The following PCDHGA9 variants were observed in gnomAD, a reference collection of about 807,000 sequenced individuals.
PCDHGA9 encodes the protein protocadherin gamma-A9.
Under a neutral mutation model 62.5 loss-of-function variants are expected in PCDHGA9, and 37 were observed. The observed-to-expected ratio is 0.59, with a 90% CI of 0.46 to 0.78. The LOEUF (loss-of-function observed/expected upper bound fraction) is 0.78, where lower values mean the gene tolerates loss of function less well. Among genes scored for constraint, PCDHGA9 ranks in the 30% least tolerant of loss-of-function variants. The probability of loss-of-function intolerance (pLI) is 0.00; values close to 1 mark genes in which losing one functional copy is unlikely to be tolerated. For synonymous variants in PCDHGA9, 459 were observed against 484.6 expected, an observed-to-expected ratio of 0.95 and a Z score of 0.69; for missense variants, 1,138 against 1,166.2, an observed-to-expected ratio of 0.98 and a Z score of 0.35.
intron 1 of PCDHGA9, among the ~76,000 whole-genome samples, chr5:141,492,862 G>A (rs2099744602): frequency 6.6e-6 from 1 of 152,198 alleles, no homozygotes. Context: ...GAGCGCCCTG[G>A]CTCTCAACCC....
At chr5:141,419,014 C>A (rs1332175722) in intron 1 of PCDHGA9, 1 of 1,613,780 alleles carries the variant, frequency 6.2e-7, no homozygotes, top group Non-Finnish European at 8.5e-7. Flanking sequence ...TCAGGTGTAG[C>A]TTAAGTAGAG....
intron 1 of PCDHGA9, among the ~76,000 whole-genome samples, chr5:141,407,680 C>A (rs2094967585): frequency 6.6e-6 from 1 of 151,942 alleles, no homozygotes; most frequent in Non-Finnish European, 1.5e-5. Flanking sequence ...CAAAGATTGG[C>A]TTTGTGGTGA....
At chr5:141,420,230 A>G (rs758649822) in intron 1 of PCDHGA9, 3 of 1,601,528 alleles carry the variant, frequency 1.9e-6, no homozygotes, top group Admixed American at 1.7e-5. Flanking sequence ...ACTGGCTAGC[A>G]TTTTAACTCC....
At chr5:141,433,343 G>A (rs1591274674) in intron 1 of PCDHGA9, 1 of 630,308 alleles carries the variant, frequency 1.6e-6, no homozygotes, top group Admixed American at 3.0e-5. Flanking sequence ...ACAGGTGCAA[G>A]CCACCTACTG....
At chr5:141,437,939 T>C (rs1055613655) in intron 1 of PCDHGA9, among the ~76,000 whole-genome samples, 3 of 152,152 alleles carry the variant, frequency 2.0e-5, no homozygotes, top group African/African-American at 7.2e-5. Flanking sequence ...GGTTTCACCA[T>C]ATTGGCCAGA....
intron 3 of PCDHGA9, chr5:141,508,127 G>A (rs1220643878): frequency 6.6e-6 from 1 of 152,628 alleles, no homozygotes; most frequent in Non-Finnish European, 1.5e-5. Context: ...ACAGAGGGAG[G>A]TCAGGGAGCT....
At chr5:141,428,124 C>G in intron 1 of PCDHGA9, 2 of 1,605,400 alleles carry the variant, frequency 1.2e-6, no homozygotes, top group Non-Finnish European at 1.7e-6. Flanking sequence ...CGAGCCCGGG[C>G]TTTTCAGCCT....
At position 141,512,765 on chromosome 5, in the gene PCDHGA9, G is replaced by C. The variant is rs988707269; in HGVS notation, c.*1592G>C. 1 of 152,668 alleles carries C rather than the reference G, an allele frequency of 6.6e-6. No individual in the cohort carries two copies. The highest frequency in any genetic ancestry group is 1.5e-5 in the Non-Finnish European group (1 of 68,460). The allele number at this position is 152,668 out of a possible 1,614,324, so 9.5% of individuals were successfully genotyped here. On this transcript the variant is annotated 3_prime_UTR_variant, in exon 4 of 4. Transcript: ENST00000573521. ...CCGCGCAGCCGTCTGTCCTTGATCT[G>C]CCCGCGGCGGCCCGTGTTGTGTTTT...
chr5:141,501,693 G>T (rs1417828433), intron 2 of PCDHGA9, among the ~76,000 whole-genome samples: 1 of 152,028 alleles, frequency 6.6e-6, no homozygotes, highest in Non-Finnish European at 1.5e-5. Context: ...TATCTGCAGG[G>T]TGATTCCGAG....
At chr5:141,510,238 A>C (rs2099880007) in intron 3 of PCDHGA9, among the ~76,000 whole-genome samples, 1 of 149,340 alleles carries the variant, frequency 6.7e-6, no homozygotes, top group Non-Finnish European at 1.5e-5. Flanking sequence ...GCGCCACTGC[A>C]CTCCAGGCTG....
Position 141,491,013 on chromosome 5 carries a change from G to C in PCDHGA9, c.2425-3794G>C. ...CTCCTCCTGGCTCCTTGGTCACCAA[G>C]GTGACAGCCGTGGATGCTGATGCAG... On this transcript the variant is annotated intron_variant, in intron 1 of 3. Transcript: ENST00000573521. The surrounding 1 kb of genome is among the most constrained non-coding windows in gnomAD (Gnocchi z 6.9). 6.2e-7 allele frequency: 1 copy of C among 1,614,144 alleles called. No homozygotes were observed. Among genetic ancestry groups the C allele is most frequent in the Non-Finnish European group, 8.5e-7 (1 of 1,180,040 alleles).
At chr5:141,498,947 AAAAG>A (rs1475471777) in intron 2 of PCDHGA9, among the ~76,000 whole-genome samples, 1 of 145,446 alleles carries the variant, frequency 6.9e-6, no homozygotes, top group African/African-American at 2.6e-5. Context: ...GAAAGAAAGA[AAAAG>A]AGAGAGAGGG....
intron 1 of PCDHGA9, chr5:141,419,506 C>T (rs527369615): frequency 6.2e-7 from 1 of 1,612,352 alleles, no homozygotes; most frequent in Non-Finnish European, 8.5e-7. Context: ...TGAGCCTGCG[C>T]GTGTTGGTGG....
intron 2 of PCDHGA9, among the ~76,000 whole-genome samples, chr5:141,499,670 C>T (rs1477227784): frequency 6.6e-6 from 1 of 151,412 alleles, no homozygotes; most frequent in African/African-American, 2.4e-5. Flanking sequence ...TCTTGGTCTC[C>T]ACCATCTTTA....
intron 1 of PCDHGA9, chr5:141,418,947 G>T (rs534744990): frequency 6.2e-7 from 1 of 1,614,022 alleles, no homozygotes; most frequent in African/African-American, 1.3e-5. Context: ...TCCCCTCCAG[G>T]AGTGGTTGTT....
chr5:141,408,752 G>A (rs780102602), intron 1 of PCDHGA9: 8 of 1,610,388 alleles, frequency 5.0e-6, no homozygotes, highest in Non-Finnish European at 5.9e-6. Flanking sequence ...AATGGTTAGA[G>A]TTAATTCCGA....
At chr5:141,407,812 T>C (rs1191426791) in intron 1 of PCDHGA9, among the ~76,000 whole-genome samples, 1 of 152,226 alleles carries the variant, frequency 6.6e-6, no homozygotes, top group Non-Finnish European at 1.5e-5. Context: ...AAATATCTAC[T>C]ATAATATTAT....
chr5:141,426,590 C>T (rs2096945493), intron 1 of PCDHGA9: 1 of 369,282 alleles, frequency 2.7e-6, no homozygotes, highest in East Asian at 7.4e-5. Context: ...TCCTCTGTGT[C>T]ATACCCTTAG....
At chr5:141,422,459 T>C (rs1368153179) in intron 1 of PCDHGA9, 1 of 1,613,448 alleles carries the variant, frequency 6.2e-7, no homozygotes, top group South Asian at 1.1e-5. Context: ...AGCAGAGTGC[T>C]GGACAGGGAG....
Sources: gnomAD v4.1 joint callset for allele counts (sites outside exome capture counted in the v4.1 genomes callset) on GRCh38, gnomAD v4.1.1 for gene constraint, Gnocchi (gnomAD v3.1) non-coding constraint, MANE v1.5 for transcripts, NCBI Gene and HGNC (gene_info 2026-07-23, HGNC 2026-07-21) for gene names.